Variants in ADAM11 observed in about 807,000 individuals in gnomAD.
The protein encoded by ADAM11 is ADAM metallopeptidase domain 11.
Under a neutral mutation model 119.1 loss-of-function variants are expected in ADAM11, and 49 were observed. That is an observed-to-expected ratio of 0.41 (90% CI 0.33 to 0.52). The LOEUF is 0.52. Ranked by LOEUF, ADAM11 falls within the 20% of genes least tolerant of loss-of-function variation. ADAM11 has a pLI of 0.20. For synonymous variants in ADAM11, 364 were observed against 408.0 expected (o/e 0.89, Z 1.30); for missense variants, 777 against 1,047.5 (o/e 0.74, Z 3.56).
rs1183814763 is a variant in ADAM11, at chr17:44,776,255, T to C, written c.1566+48T>C. On this transcript the variant is annotated intron_variant, in intron 18 of 26. Transcript: ENST00000200557. The surrounding 1 kb of genome is among the most constrained non-coding windows in gnomAD (Gnocchi z 5.2). ...GTGGAGCCCTGGGCGAGGCAACCCC[T>C]ACCCTTGTCGATTTGGTTTTCCCGG... 6 of 1,600,862 alleles carry C rather than the reference T, an allele frequency of 3.7e-6. No homozygotes were observed. The highest frequency in any genetic ancestry group is 3.4e-5 in the Admixed American group (2 of 59,490).
chr17:44,775,498 C>G lies in ADAM11; in HGVS notation c.1392+33C>G, dbSNP rs771091139. 6.3e-7 allele frequency: 1 copy of G among 1,592,786 alleles called. No individual in the cohort carries two copies. Among genetic ancestry groups the G allele is most frequent in the Non-Finnish European group, 8.5e-7 (1 of 1,173,024 alleles). On this transcript the variant is annotated intron_variant, in intron 16 of 26. Coordinates refer to ENST00000200557, the MANE Select transcript of ADAM11 (RefSeq NM_002390.6). The surrounding 1 kb of genome is among the most constrained non-coding windows in gnomAD (Gnocchi z 7.5). ...GTGGTGCGGGCGCCAGGTGGGGAACCGGGATGCGGGGGTGGGCACGAGGGA... is the reference window on the plus strand; with the variant it reads ...GTGGTGCGGGCGCCAGGTGGGGAACGGGGATGCGGGGGTGGGCACGAGGGA...
In ADAM11 at chr17:44,777,180, T is replaced by A; in HGVS notation, c.1696T>A (p.Phe566Ile). The A allele has an allele frequency of 6.2e-7, 1 of 1,606,314 alleles. No homozygotes were observed. Among genetic ancestry groups the A allele is most frequent in the Non-Finnish European group, 8.5e-7 (1 of 1,177,780 alleles). Residue 566 changes from phenylalanine (F) to isoleucine (I), a missense_variant, in exon 21 of 27, where the codon TTC (phenylalanine) becomes ATC (isoleucine). Phe to Ile is a conservative substitution (Grantham distance 21). Coordinates refer to ENST00000200557, the MANE Select transcript of ADAM11 (RefSeq NM_002390.6). This position sits in a 1 kb window ranked among gnomAD's most constrained non-coding sequence, Gnocchi z 5.1. Reference sequence around the variant, plus strand: ...TCTCCCCACAGCGGCTGCTGATCGCTTCTGCTACGAGAAGCTGAATGTGGA... The same window carrying A: ...TCTCCCCACAGCGGCTGCTGATCGCATCTGCTACGAGAAGCTGAATGTGGA... ...VLWGHAAADR[F>I]CYEKLNVEGT... is the part of the protein sequence containing the mutation.
chr17:44,779,918 C>A lies in ADAM11; in HGVS notation c.*164C>A. ...TTTGGGTGGGGGCTGTGGCCCTGCC[C>A]TTGGCACCACCAGGGTGGACCAGGC... On this transcript the variant is annotated 3_prime_UTR_variant, in exon 27 of 27. Transcript: ENST00000200557. 9.8e-7 allele frequency: 1 copy of A among 1,018,986 alleles called. No individual in the cohort carries two copies. The highest frequency in any genetic ancestry group is 1.3e-5 in the South Asian group (1 of 74,088). 63.1% of individuals were successfully genotyped at this position (1,018,986 alleles called of 1,614,324 possible).
At chr17:44,760,127 G>A (rs891669667) in intron 2 of ADAM11, among the ~76,000 whole-genome samples, 2 of 152,224 alleles carry the variant, frequency 1.3e-5, no homozygotes, top group African/African-American at 4.8e-5. Context: ...AGTGTACAGG[G>A]ACCACTAATG....
intron 11 of ADAM11, among the ~76,000 whole-genome samples, chr17:44,774,001 G>A (rs2049563338): frequency 6.6e-6 from 1 of 152,210 alleles, no homozygotes; most frequent in South Asian, 2.1e-4. Context: ...TGAGGCAGGA[G>A]AATCGTTTGA....
Position 44,759,714 on chromosome 17 carries a change from T to A in ADAM11, c.62-8T>A. 7.6e-7 allele frequency: 1 copy of A among 1,319,006 alleles called. No homozygotes were observed. The highest frequency in any genetic ancestry group is 9.7e-7 in the Non-Finnish European group (1 of 1,026,008). 81.7% of individuals were successfully genotyped at this position (1,319,006 alleles called of 1,614,324 possible). A position where few individuals can be genotyped will look rare whatever the true frequency, so the allele number is the denominator to read the frequency against. On this transcript the variant is annotated splice_polypyrimidine_tract_variant and splice_region_variant and intron_variant, in intron 1 of 26. Coordinates refer to ENST00000200557, the MANE Select transcript of ADAM11 (RefSeq NM_002390.6). ...CAGCTGCCTGCAGCCATGGCCTTGT[T>A]TCCCCAGGTCTTGGGACCCAAGGTC...
intron 1 of ADAM11, 112 bp from the exon 2 acceptor site, chr17:44,759,610 C>G: frequency 7.7e-7 from 1 of 1,306,136 alleles, no homozygotes; most frequent in Non-Finnish European, 9.8e-7. Context: ...CCCGGATCGC[C>G]CTAGGGCTCC....
chr17:44,771,969 C>T, intron 6 of ADAM11, 138 bp downstream of exon 6: 1 of 1,001,166 alleles, frequency 1.0e-6, no homozygotes, highest in Non-Finnish European at 1.5e-6. Context: ...GTGACCCCAG[C>T]TCTGGTTCCC....
At chr17:44,774,178 G>A in intron 11 of ADAM11, 117 bp from the exon 12 acceptor site, 1 of 598,792 alleles carries the variant, frequency 1.7e-6, no homozygotes, top group East Asian at 3.3e-5. Context: ...GATGTAAAGG[G>A]CCAGGCTCAC....
chr17:44,777,207 G>C lies in ADAM11; in HGVS notation c.1723G>C (p.Gly575Arg). 3 of 1,609,270 alleles carry C rather than the reference G, an allele frequency of 1.9e-6. No individual in the cohort carries two copies. In the East Asian group the frequency reaches 6.7e-5, roughly 36 times the overall value. The stretch of plus-strand genomic sequence containing the variant: ...CTGCTACGAGAAGCTGAATGTGGAG[G>C]GGACGGAGCGTGGGAGCTGTGGGCG... ...RFCYEKLNVE[G>R]TERGSCGRKG... Residue 575 changes from glycine (G) to arginine (R), a missense_variant, in exon 21 of 27, where the codon GGG becomes CGG. Gly to Arg is a moderately radical substitution (Grantham distance 125). Coordinates refer to ENST00000200557, the MANE Select transcript of ADAM11 (RefSeq NM_002390.6). The surrounding 1 kb of genome is among the most constrained non-coding windows in gnomAD (Gnocchi z 5.1).
chr17:44,777,766 A>G lies in ADAM11; in HGVS notation c.1973A>G (p.Asn658Ser), dbSNP rs910333930. ...YVEDGTACGP[N>S]MLCLDHRCLP... ...GAGGATGGCACAGCCTGCGGGCCTA[A>G]CATGTTGTGCCTGGACCATCGCTGC... The change falls in exon 23 of 27, where the codon AAC becomes AGC. Residue 658 changes from asparagine to serine, a missense_variant. Around this residue, in one of 4 missense-constraint regions of ADAM11, gnomAD observed 348 missense variants for 486.7 expected, o/e 0.72. Coordinates refer to ENST00000200557, the MANE Select transcript of ADAM11 (RefSeq NM_002390.6). This position sits in a 1 kb window ranked among gnomAD's most constrained non-coding sequence, Gnocchi z 5.1. 10 of 1,613,924 alleles carry G rather than the reference A, an allele frequency of 6.2e-6. No homozygotes were observed. Among genetic ancestry groups the G allele is most frequent in the African/African-American group, 1.3e-5 (1 of 74,922 alleles).
chr17:44,760,393 G>A (rs2049375681), intron 2 of ADAM11, among the ~76,000 whole-genome samples: 1 of 152,134 alleles, frequency 6.6e-6, no homozygotes, highest in African/African-American at 2.4e-5. Context: ...TGTTCTTCCT[G>A]TCCTGGCTGA....
chr17:44,774,502 TG>T lies in ADAM11; in HGVS notation c.1093del (p.Ala365ArgfsTer4). On this transcript the variant is annotated frameshift_variant, in exon 13 of 27. Coordinates refer to ENST00000200557, the MANE Select transcript of ADAM11 (RefSeq NM_002390.6). LOFTEE classifies it high-confidence loss of function. ...CTTCCCCACCCCCAGTACGGCAACATGGGGGCGATGGCCGTGACCCTTGCCC... is the reference window on the plus strand; with the variant it reads ...CTTCCCCACCCCCAGTACGGCAACATGGGGCGATGGCCGTGACCCTTGCCC... ...HGGGVNEYGN[M>X]GAMAVTLAQT... 1.2e-6 allele frequency: 2 copies of T among 1,612,822 alleles called. No individual in the cohort carries two copies. The highest frequency in any genetic ancestry group is 1.7e-6 in the Non-Finnish European group (2 of 1,179,640).
chr17:44,778,713 A>AAAAAAAAAAAAACAAAAAAAAAAAAG (rs71136047), intron 25 of ADAM11, among the ~76,000 whole-genome samples: 1 of 80,426 alleles, frequency 1.2e-5, no homozygotes, highest in Non-Finnish European at 2.2e-5. Flanking sequence ...AAAAAAAAAA[A>AAAAAAAAAAAAACAAAAAAAAAAAAG]GAAAGAAAGA....
chr17:44,773,983 C>T lies in ADAM11; in HGVS notation c.993-312C>T, dbSNP rs927313201. Among the ~76,000 whole-genome samples the T allele has an allele frequency of 2.0e-5, 3 of 152,000 alleles. No homozygotes were observed. Among genetic ancestry groups the T allele is most frequent in the African/African-American group, 7.3e-5 (3 of 41,372 alleles). On this transcript the variant is annotated intron_variant, in intron 11 of 26. Coordinates refer to ENST00000200557, the MANE Select transcript of ADAM11 (RefSeq NM_002390.6). The surrounding 1 kb of genome is among the most constrained non-coding windows in gnomAD (Gnocchi z 4.6). Reference sequence around the variant, plus strand: ...GTGTGCACCTGTAGTCCCAGCTACTCGGGAGGCTGAGGCAGGAGAATCGTT... The same window carrying T: ...GTGTGCACCTGTAGTCCCAGCTACTTGGGAGGCTGAGGCAGGAGAATCGTT...
intron 2 of ADAM11, among the ~76,000 whole-genome samples, chr17:44,762,627 G>A (rs2049402668): frequency 6.6e-6 from 1 of 152,194 alleles, no homozygotes; most frequent in Admixed American, 6.5e-5. Context: ...CTGGCTGGCA[G>A]GGCCTGGGGC....
In ADAM11 at chr17:44,779,934, TG is replaced by T. The variant is rs748967452; in HGVS notation, c.*182del. The T allele has an allele frequency of 2.2e-6, 2 of 906,888 alleles. No homozygotes were observed. The highest frequency in any genetic ancestry group is 2.8e-5 in the South Asian group (2 of 71,626). The allele number at this position is 906,888 out of a possible 1,614,324, so 56.2% of individuals were successfully genotyped here. A position where few individuals can be genotyped will look rare whatever the true frequency, so the allele number is the denominator to read the frequency against. ...GGCCCTGCCCTTGGCACCACCAGGG[TG>T]GACCAGGCCTGGAGGGCACTTCCTC... On this transcript the variant is annotated 3_prime_UTR_variant, in exon 27 of 27. Transcript: ENST00000200557.
chr17:44,779,052 T>C (rs980508133), intron 25 of ADAM11, among the ~76,000 whole-genome samples, 170 bp from the exon 26 acceptor site: 1 of 152,208 alleles, frequency 6.6e-6, no homozygotes, highest in Non-Finnish European at 1.5e-5. Context: ...CGCATTTTTG[T>C]GGGTGCCCTG....
rs1327462741 is a variant in ADAM11, at chr17:44,772,242, A to G, written c.544-25A>G. 2 of 1,597,804 alleles carry G rather than the reference A, an allele frequency of 1.3e-6. No homozygotes were observed. The highest frequency in any genetic ancestry group is 1.7e-5 in the Admixed American group (1 of 58,706). On this transcript the variant is annotated intron_variant, in intron 6 of 26. Coordinates refer to ENST00000200557, the MANE Select transcript of ADAM11 (RefSeq NM_002390.6). This position sits in a 1 kb window ranked among gnomAD's most constrained non-coding sequence, Gnocchi z 4.5. ...CTGGAGCAGGCCCAGTTGGCACCCCAAGAACTAATTTCCCCTCATTGCAGG... is the reference window on the plus strand; with the variant it reads ...CTGGAGCAGGCCCAGTTGGCACCCCGAGAACTAATTTCCCCTCATTGCAGG...
Sources: gnomAD v4.1 joint callset for allele counts (sites outside exome capture counted in the v4.1 genomes callset) on GRCh38, gnomAD v4.1.1 for gene constraint, gnomAD v4.1.1 regional missense constraint, Gnocchi (gnomAD v3.1) non-coding constraint, MANE v1.5 for transcripts, NCBI Gene and HGNC (gene_info 2026-07-23, HGNC 2026-07-21) for gene names.